Variants in MYO9A observed in about 807,000 individuals in gnomAD.
The protein encoded by MYO9A is unconventional myosin-IXa.
Under a neutral mutation model 293.3 loss-of-function variants are expected in MYO9A, and 103 were observed. The observed-to-expected ratio is 0.35, with a 90% confidence interval of 0.30 to 0.41. The LOEUF (loss-of-function observed/expected upper bound fraction) is 0.41, where lower values mean the gene tolerates loss of function less well. MYO9A is among the 10% of genes least tolerant of loss of function. The probability of loss-of-function intolerance (pLI) is 1.00; values close to 1 mark genes in which losing one functional copy is unlikely to be tolerated. For synonymous variants in MYO9A, 1,001 were observed against 1,035.7 expected (o/e 0.97, Z 0.64); for missense variants, 2,685 against 3,033.0 (o/e 0.89, Z 2.69).
intron 34 of MYO9A, among the ~76,000 whole-genome samples, chr15:71,856,033 C>T (rs781509349): frequency 7.2e-5 from 11 of 151,868 alleles, no homozygotes; most frequent in Admixed American, 1.3e-4. Context: ...GTGTTAGGCC[C>T]GGCACAGTGG....
At position 71,878,316 on chromosome 15, in the gene MYO9A, T is replaced by C. The variant is rs376604528; in HGVS notation, c.5740-85A>G. On this transcript the variant is annotated intron_variant, in intron 30 of 41. Coordinates refer to ENST00000356056, the MANE Select transcript of MYO9A (RefSeq NM_006901.4). ...AAAGATTACACTTGTAATGGGGTAG[T>C]ATTTAGAATAAAGATTAGGATCCTG... is the stretch of plus-strand genomic sequence containing the variant. 5 of 923,698 alleles carry C rather than the reference T, an allele frequency of 5.4e-6. No homozygotes were observed. The African/African-American group carries it at 6.9e-5, about 13-fold the overall frequency. The allele number at this position is 923,698 out of a possible 1,614,324, so 57.2% of individuals were successfully genotyped here. A position where few individuals can be genotyped will look rare whatever the true frequency, so the allele number is the denominator to read the frequency against.
rs1309117013 is a variant in MYO9A at position 71,898,175 on chromosome 15, T to A, written c.4328A>T (p.Lys1443Ile). 1 of 1,614,138 alleles carries A rather than the reference T, an allele frequency of 6.2e-7. No individual in the cohort carries two copies. The highest frequency in any genetic ancestry group is 8.5e-7 in the Non-Finnish European group (1 of 1,180,018). ...SQLDTSIQRN[K>I]LLENEDTAGE... ...CGCTGTGTCTTCATTTTCCAATAGT[T>A]TGTTTCTTTGGATACTTGTGTCTAG... Residue 1443 changes from lysine to isoleucine, a missense_variant, in exon 25 of 42, where the codon AAA (lysine) becomes ATA (isoleucine). By Grantham distance (102) the Lys-to-Ile change is moderately radical (BLOSUM62 -3). This residue lies in a region of MYO9A where 1,434 missense variants were observed against 1,497.7 expected (regional missense o/e 0.96). Transcript: ENST00000356056.
At chr15:71,948,024 G>A (rs1053255376) in intron 15 of MYO9A, among the ~76,000 whole-genome samples, 4 of 152,106 alleles carry the variant, frequency 2.6e-5, no homozygotes, top group Admixed American at 1.3e-4. Context: ...GAGAGAAGGC[G>A]AGAGCACCAG....
At chr15:71,858,391 A>G in intron 34 of MYO9A, among the ~76,000 whole-genome samples, 1 of 152,134 alleles carries the variant, frequency 6.6e-6, no homozygotes, top group Non-Finnish European at 1.5e-5. Flanking sequence ...GATTAAGAAA[A>G]TGTGGCACAT....
chr15:72,015,987 C>T (rs1359521141), intron 6 of MYO9A, among the ~76,000 whole-genome samples: 1 of 152,050 alleles, frequency 6.6e-6, no homozygotes, highest in Non-Finnish European at 1.5e-5. Flanking sequence ...TGCGCCCAGC[C>T]TCAGATCAGC....
intron 15 of MYO9A, 173 bp downstream of exon 15, chr15:71,951,604 A>G (rs919919324): frequency 6.5e-6 from 4 of 612,672 alleles, no homozygotes; most frequent in Non-Finnish European, 1.1e-5. Context: ...AAAGTATATC[A>G]GTATTTTCAA....
chr15:71,869,522 G>T (rs1205918375), intron 32 of MYO9A, among the ~76,000 whole-genome samples: 1 of 152,178 alleles, frequency 6.6e-6, no homozygotes, highest in Non-Finnish European at 1.5e-5. Context: ...ACAATTAAGT[G>T]TAACAAATAT....
chr15:72,041,425 C>T, intron 2 of MYO9A: 1 of 369,128 alleles, frequency 2.7e-6, no homozygotes, highest in Non-Finnish European at 5.3e-6. Context: ...ACGTTGTGAA[C>T]AGAAGGACAA....
intron 7 of MYO9A, among the ~76,000 whole-genome samples, chr15:72,009,006 T>C (rs1566945322): frequency 6.6e-6 from 1 of 152,164 alleles, no homozygotes; most frequent in Non-Finnish European, 1.5e-5. Flanking sequence ...AACTTATAAA[T>C]CTAATTTTTC....
chr15:71,863,021 G>A (rs1207554955), intron 32 of MYO9A, among the ~76,000 whole-genome samples: 3 of 151,000 alleles, frequency 2.0e-5, no homozygotes, highest in Non-Finnish European at 2.9e-5. Flanking sequence ...CGCCTCCTGG[G>A]TTCAGGCAAT....
In MYO9A at chr15:71,870,940, T is replaced by C. The variant is rs183693279; in HGVS notation, c.5979+4851A>G. ...ATTTCAAACCAGTGAAAAAGAAATA[T>C]ATCATTCAACAGTGGGCAGACAACT... is the stretch of plus-strand genomic sequence containing the variant. On this transcript the variant is annotated intron_variant, in intron 32 of 41. Transcript: ENST00000356056. Among the ~76,000 whole-genome samples, 6 of 152,306 alleles carry C rather than the reference T, an allele frequency of 3.9e-5. No homozygotes were observed. The East Asian group carries it at 7.7e-4, about 20-fold the overall frequency.
chr15:71,845,077 G>C (rs1191810742), intron 39 of MYO9A, among the ~76,000 whole-genome samples: 1 of 152,166 alleles, frequency 6.6e-6, no homozygotes, highest in African/African-American at 2.4e-5. Flanking sequence ...TCACTGTTGA[G>C]TGCCTTTTGT....
chr15:71,854,685 AG>A, intron 34 of MYO9A, 116 bp from the exon 35 acceptor site: 1 of 745,698 alleles, frequency 1.3e-6, no homozygotes, highest in Non-Finnish European at 2.1e-6. Flanking sequence ...GAGCATAGTT[AG>A]AAGAGTTGGG....
chr15:71,935,325 A>T lies in MYO9A; in HGVS notation c.2522+16T>A. 1 of 1,561,320 alleles carries T rather than the reference A, an allele frequency of 6.4e-7. No homozygotes were observed. Among genetic ancestry groups the T allele is most frequent in the Middle Eastern group, 1.7e-4 (1 of 5,830 alleles). ...CAAAAAACAAAAAACAATTTACATT[A>T]CTGATTAGTACTGACGTGAGAATTC... On this transcript the variant is annotated intron_variant, in intron 17 of 41. Coordinates refer to ENST00000356056, the MANE Select transcript of MYO9A (RefSeq NM_006901.4).
intron 10 of MYO9A, among the ~76,000 whole-genome samples, chr15:71,992,973 T>C (rs944993503): frequency 2.6e-5 from 4 of 151,924 alleles, no homozygotes; most frequent in African/African-American, 9.7e-5. Flanking sequence ...TAAATAAATC[T>C]AAAAAGTAAA....
chr15:71,929,060 A>C (rs558468197), intron 18 of MYO9A, among the ~76,000 whole-genome samples: 3 of 150,294 alleles, frequency 2.0e-5, no homozygotes, highest in South Asian at 4.3e-4. Flanking sequence ...GCAGAGTGAT[A>C]CACTGTCTCT....
At chr15:72,018,122 G>A (rs1405362624) in intron 6 of MYO9A, among the ~76,000 whole-genome samples, 1 of 151,760 alleles carries the variant, frequency 6.6e-6, no homozygotes, top group African/African-American at 2.4e-5. Flanking sequence ...AAAGCAAAAT[G>A]TACCTATTCA....
chr15:72,044,523 A>G (rs139011505), intron 2 of MYO9A, among the ~76,000 whole-genome samples: 156 of 152,264 alleles, frequency 1.0e-3, no homozygotes, highest in South Asian at 3.1e-3. Context: ...TTTGTGTCCT[A>G]CAACCAACAT....
rs1428104349 is a variant in MYO9A at position 72,046,203 on chromosome 15, G to A, written c.361C>T (p.Leu121=). 1 of 1,614,110 alleles carries A rather than the reference G, an allele frequency of 6.2e-7. No individual in the cohort carries two copies. Among genetic ancestry groups the A allele is most frequent in the Non-Finnish European group, 8.5e-7 (1 of 1,180,018 alleles). Residue 121 remains leucine (L), a synonymous_variant, in exon 2 of 42, where the codon CTG becomes TTG. Coordinates refer to ENST00000356056, the MANE Select transcript of MYO9A (RefSeq NM_006901.4). ...TCTGTTACCCGTAGCCATGACTGCA[G>A]GCTACCATAATGGATTGATCCATCA... ...NLDGSIHYGS[L]QSWLRVTEER...
Sources: allele counts gnomAD v4.1 joint callset (sites outside exome capture counted in the v4.1 genomes callset), GRCh38; gene constraint gnomAD v4.1.1; regional missense constraint gnomAD v4.1.1; transcripts MANE v1.5; gene names NCBI Gene and HGNC (gene_info 2026-07-23, HGNC 2026-07-21).